Variants in NHSL2 observed in about 807,000 individuals in gnomAD.
NHSL2 encodes NHS-like protein 2.
A neutral mutation model predicts 53.4 loss-of-function variants in NHSL2; 27 were observed. That is an observed-to-expected ratio of 0.51 (90% CI 0.37 to 0.70). The LOEUF (loss-of-function observed/expected upper bound fraction) is 0.70. Ranked by LOEUF, NHSL2 falls within the 30% of genes least tolerant of loss-of-function variation. The pLI, the probability that NHSL2 is intolerant of heterozygous loss-of-function variation, is 0.00. For missense variants in NHSL2, 892 were observed against 980.1 expected, an observed-to-expected ratio of 0.91 and a Z score of 1.20; for synonymous variants, 408 against 404.1, an observed-to-expected ratio of 1.01 and a Z score of -0.12.
chrX:72,060,769 G>A (rs1321943554), intron 1 of NHSL2, among the ~76,000 whole-genome samples: 2 of 112,723 alleles, frequency 1.8e-5, no homozygotes, highest in East Asian at 5.6e-4. Context: ...CTGATTCAAG[G>A]GCCCAGCTGC....
chrX:72,144,386 G>A lies in NHSL2; in HGVS notation c.*812G>A. On this transcript the variant is annotated 3_prime_UTR_variant, in exon 8 of 8. Transcript: ENST00000633930. ...GAGGTAACTCACAAGTGCACCTTGA[G>A]ATCCTCCATGTGTCTGTCAACAGCG... 2.3e-6 allele frequency: 1 copy of A among 432,417 alleles called. No homozygotes were observed. The highest frequency in any genetic ancestry group is 2.8e-5 in the South Asian group (1 of 35,684). 35.6% of individuals were successfully genotyped at this position (432,417 alleles called of 1,213,427 possible).
intron 1 of NHSL2, among the ~76,000 whole-genome samples, chrX:72,052,987 C>A (rs886309273): frequency 3.6e-5 from 4 of 112,408 alleles, no homozygotes; most frequent in Non-Finnish European, 7.5e-5. Context: ...CAATAGGGAT[C>A]TGATGAGAGT....
At chrX:72,127,307 C>G (rs1301216703) in intron 1 of NHSL2, 2 of 84,026 alleles carry the variant, frequency 2.4e-5, no homozygotes, top group Non-Finnish European at 4.4e-5. Flanking sequence ...CCCAAGAAAG[C>G]TCCCAAAGCC....
intron 1 of NHSL2, among the ~76,000 whole-genome samples, chrX:71,979,405 C>T (rs1248530854): frequency 9.0e-6 from 1 of 111,366 alleles, no homozygotes; most frequent in Admixed American, 9.5e-5. Context: ...TATTTCTCCA[C>T]GTCCTCTCCA....
chrX:71,984,067 T>C (rs189274054), intron 1 of NHSL2, among the ~76,000 whole-genome samples: 52 of 111,259 alleles, frequency 4.7e-4, no homozygotes, highest in African/African-American at 1.6e-3. Flanking sequence ...ACCTCTGACA[T>C]TTCCCCCCTC....
chrX:72,073,954 G>A (rs2041720766), intron 1 of NHSL2, among the ~76,000 whole-genome samples: 1 of 112,566 alleles, frequency 8.9e-6, no homozygotes, highest in Admixed American at 9.3e-5. Context: ...TGGCATATTT[G>A]TATTATTGGA....
intron 1 of NHSL2, among the ~76,000 whole-genome samples, chrX:72,100,683 A>T (rs894040281): frequency 8.9e-6 from 1 of 112,059 alleles, no homozygotes; most frequent in African/African-American, 3.3e-5. Flanking sequence ...GAGGGATCTC[A>T]ATTACTTGCT....
Position 71,911,005 on chromosome X carries a change from G to A in NHSL2, c.-83G>A, listed in dbSNP as rs891491814. 2.1e-4 allele frequency: 167 copies of A among 797,768 alleles called. 1 individual carries two copies. Among genetic ancestry groups the A allele is most frequent in the Non-Finnish European group, 4.3e-5 (27 of 633,714 alleles). The allele number at this position is 797,768 out of a possible 1,213,427, so 65.7% of individuals were successfully genotyped here. On this transcript the variant is annotated 5_prime_UTR_variant, in exon 1 of 8. Transcript: ENST00000633930. ...CACCCGGAGCTGGGGCCGCCGCTCAGGGGCGCTCGGGCCAGGGGCGCTGCT... is the reference window on the plus strand; with the variant it reads ...CACCCGGAGCTGGGGCCGCCGCTCAAGGGCGCTCGGGCCAGGGGCGCTGCT...
At chrX:71,914,409 G>A (rs749303369) in intron 1 of NHSL2, among the ~76,000 whole-genome samples, 5 of 112,319 alleles carry the variant, frequency 4.5e-5, no homozygotes, top group African/African-American at 9.7e-5. Context: ...GGCCATCCGC[G>A]TAGGGATATA....
intron 1 of NHSL2, among the ~76,000 whole-genome samples, chrX:72,059,848 A>G (rs1438830273): frequency 1.8e-5 from 2 of 112,053 alleles, no homozygotes; most frequent in South Asian, 3.7e-4. Flanking sequence ...TGCACTTTCT[A>G]TGCATTCTCT....
At chrX:72,088,218 C>T (rs758059307) in intron 1 of NHSL2, among the ~76,000 whole-genome samples, 4 of 111,704 alleles carry the variant, frequency 3.6e-5, no homozygotes, top group Non-Finnish European at 7.5e-5. Flanking sequence ...GCAACAAGAG[C>T]GAAACTCCAT....
chrX:72,108,913 C>A (rs1487170457), intron 1 of NHSL2, among the ~76,000 whole-genome samples: 1 of 111,437 alleles, frequency 9.0e-6, no homozygotes, highest in African/African-American at 3.3e-5. Flanking sequence ...CCATAAGACT[C>A]TGAAGTAATA....
At chrX:71,927,755 C>T (rs1782936495) in intron 1 of NHSL2, among the ~76,000 whole-genome samples, 1 of 110,468 alleles carries the variant, frequency 9.1e-6, no homozygotes, top group African/African-American at 3.3e-5. Flanking sequence ...GACAGGGTTT[C>T]ACCATGTTGG....
At position 72,139,530 on chromosome X, in the gene NHSL2, CCA is replaced by C; in HGVS notation, c.1985_1986del (p.Thr662SerfsTer3). 8.3e-7 allele frequency: 1 copy of C among 1,211,443 alleles called. No homozygotes were observed. Among genetic ancestry groups the C allele is most frequent in the Non-Finnish European group, 1.1e-6 (1 of 895,202 alleles). On this transcript the variant is annotated frameshift_variant, in exon 6 of 8. Transcript: ENST00000633930. LOFTEE classifies it high-confidence loss of function. ...TCCAGCTCCAGCACTGCCACTGGCA[CCA>C]CAGTCATTGAGTGCACCCAAGTTCA...
chrX:71,963,974 C>CATAT (rs377152946), intron 1 of NHSL2, among the ~76,000 whole-genome samples: 31,733 of 47,809 alleles, frequency 0.66, 11,624 homozygotes, highest in Non-Finnish European at 0.82. Context: ...TATATATATA[C>CATAT]ATATATATAT....
chrX:71,988,784 G>A (rs371639132), intron 1 of NHSL2, among the ~76,000 whole-genome samples: 21 of 111,243 alleles, frequency 1.9e-4, no homozygotes, highest in East Asian at 1.1e-3. Context: ...CTTGGATCTC[G>A]CGCAAGAAAG....
chrX:72,029,080 C>T (rs887620089), intron 1 of NHSL2, among the ~76,000 whole-genome samples: 14 of 111,152 alleles, frequency 1.3e-4, no homozygotes, highest in African/African-American at 4.3e-4. Context: ...CATAGACAAG[C>T]ATGTATGTGT....
intron 1 of NHSL2, among the ~76,000 whole-genome samples, chrX:72,088,785 G>T (rs1035715990): frequency 8.9e-6 from 1 of 112,118 alleles, no homozygotes. Context: ...AAAGGAAAAA[G>T]TTCGTCTGGG....
chrX:72,092,154 G>A (rs1300714119), intron 1 of NHSL2, among the ~76,000 whole-genome samples: 2 of 111,620 alleles, frequency 1.8e-5, no homozygotes, highest in African/African-American at 3.3e-5. Context: ...GTGTGCTTCC[G>A]TTTCCTTGGG....
Sources: allele counts gnomAD v4.1 joint callset (sites outside exome capture counted in the v4.1 genomes callset), GRCh38; gene constraint gnomAD v4.1.1; transcripts MANE v1.5; gene names NCBI Gene and HGNC (gene_info 2026-07-23, HGNC 2026-07-21).